The following PTPRD variants were observed in gnomAD, a reference collection of about 807,000 sequenced individuals.
PTPRD encodes the protein receptor-type tyrosine-protein phosphatase delta.
PTPRD carries 34 observed loss-of-function variants against 214.5 expected under a neutral mutation model. The ratio of observed to expected loss-of-function variants is 0.16; its 90% CI spans 0.12 to 0.21. PTPRD has a LOEUF of 0.21. PTPRD is among the 10% of genes least tolerant of loss of function. The pLI is 1.00. For synonymous variants in PTPRD, 1,128 were observed against 845.7 expected (o/e 1.33, Z -5.79); for missense variants, 2,545 against 2,398.7 (o/e 1.06, Z -1.27).
chr9:10,589,812 T>A (rs1403630154), intron 2 of PTPRD, among the ~76,000 whole-genome samples: 4 of 151,976 alleles, frequency 2.6e-5, no homozygotes, highest in Admixed American at 6.6e-5. Flanking sequence ...TGATTTGACT[T>A]TTGATTGAAT....
intron 9 of PTPRD, among the ~76,000 whole-genome samples, chr9:9,234,586 T>A (rs1408083561): frequency 6.6e-6 from 1 of 152,090 alleles, no homozygotes; most frequent in Non-Finnish European, 1.5e-5. Flanking sequence ...CTTTTATGCT[T>A]TGCTTTCTCT....
At chr9:8,512,952 T>G (rs1053037457) in intron 21 of PTPRD, among the ~76,000 whole-genome samples, 2 of 152,028 alleles carry the variant, frequency 1.3e-5, no homozygotes, top group Admixed American at 6.5e-5. Context: ...ATGCTTTTGG[T>G]ACAATTACCT....
At chr9:9,938,306 G>A (rs10816255) in intron 5 of PTPRD, among the ~76,000 whole-genome samples, 38,921 of 152,018 alleles carry the variant, frequency 0.26, 5,754 homozygotes, top group Middle Eastern at 0.47. Flanking sequence ...CTTGAAATTA[G>A]GTGGATTAAA....
chr9:9,654,275 G>C lies in PTPRD; in HGVS notation c.-286-79494C>G, dbSNP rs183177648. ...AAGCTATAAAAATAGTAAAATATGTGATGTATAATTTTAAGAGGGATAGTA... is the reference window on the plus strand; with the variant it reads ...AAGCTATAAAAATAGTAAAATATGTCATGTATAATTTTAAGAGGGATAGTA... On this transcript the variant is annotated intron_variant, in intron 7 of 45. Transcript: ENST00000381196. Among the ~76,000 whole-genome samples, 921 of 152,154 alleles carry C rather than the reference G, an allele frequency of 6.1e-3. 8 individuals carry two copies. Among genetic ancestry groups the C allele is most frequent in the African/African-American group, 0.021 (891 of 41,518 alleles).
chr9:9,141,797 T>C (rs905730361), intron 10 of PTPRD, among the ~76,000 whole-genome samples: 1 of 150,856 alleles, frequency 6.6e-6, no homozygotes, highest in African/African-American at 2.4e-5. Context: ...TATATCTCTA[T>C]ATAATAGTTA....
chr9:9,090,893 C>T, intron 10 of PTPRD: 2 of 1,286,730 alleles, frequency 1.6e-6, no homozygotes, highest in Non-Finnish European at 2.2e-6. Context: ...GTCCGTGCCT[C>T]CAAGATGACA....
At chr9:9,283,265 T>C (rs372287249) in intron 9 of PTPRD, among the ~76,000 whole-genome samples, 1 of 151,470 alleles carries the variant, frequency 6.6e-6, no homozygotes, top group South Asian at 2.1e-4. Flanking sequence ...ACCCTGATAA[T>C]TTAGTTGTAC....
Position 8,341,158 on chromosome 9 carries a change from T to C in PTPRD, c.5058A>G (p.Val1686=). 2 of 1,613,308 alleles carry C rather than the reference T, an allele frequency of 1.2e-6. No homozygotes were observed. The highest frequency in any genetic ancestry group is 1.1e-5 in the South Asian group (1 of 91,028). Residue 1686 remains valine (V), a synonymous_variant, in exon 41 of 46, where the codon GTA becomes GTG. Transcript: ENST00000381196. ...VNIMPYESTR[V]CLQPIRGVEG... ...CTACTCCACGGATAGGCTGCAGGCATACCCTTGTGGATTCATATGGCATAA... is the reference window on the plus strand; with the variant it reads ...CTACTCCACGGATAGGCTGCAGGCACACCCTTGTGGATTCATATGGCATAA...
At chr9:8,461,993 G>A (rs2096421106) in intron 32 of PTPRD, among the ~76,000 whole-genome samples, 1 of 151,662 alleles carries the variant, frequency 6.6e-6, no homozygotes, top group Non-Finnish European at 1.5e-5. Context: ...AGCATCTCTT[G>A]TCCTCTCTTA....
intron 9 of PTPRD, among the ~76,000 whole-genome samples, chr9:9,276,417 C>A (rs75763887): frequency 0.012 from 1,891 of 151,402 alleles, 42 homozygotes; most frequent in African/African-American, 0.044. Flanking sequence ...CAAAGGTCAA[C>A]AGGAACTGTT....
At chr9:9,300,544 G>A (rs1954877416) in intron 9 of PTPRD, among the ~76,000 whole-genome samples, 1 of 151,756 alleles carries the variant, frequency 6.6e-6, no homozygotes, top group Non-Finnish European at 1.5e-5. Context: ...TGTGTTGGTA[G>A]TAGGAGGTTG....
At chr9:8,672,595 G>T (rs761523737) in intron 12 of PTPRD, among the ~76,000 whole-genome samples, 1 of 151,772 alleles carries the variant, frequency 6.6e-6, no homozygotes, top group Non-Finnish European at 1.5e-5. Flanking sequence ...TATTAAAAAG[G>T]GTGTAAAGTT....
chr9:9,413,394 G>A (rs2076113787), intron 8 of PTPRD, among the ~76,000 whole-genome samples: 2 of 152,044 alleles, frequency 1.3e-5, no homozygotes, highest in Middle Eastern at 3.4e-3. Context: ...GATTACAGGC[G>A]TGAGCCACCG....
intron 39 of PTPRD, among the ~76,000 whole-genome samples, chr9:8,345,304 A>T (rs1453651585): frequency 7.9e-5 from 12 of 152,080 alleles, no homozygotes; most frequent in Non-Finnish European, 1.8e-4. Flanking sequence ...CATGCACGCC[A>T]TACCTGGATA....
intron 3 of PTPRD, among the ~76,000 whole-genome samples, chr9:10,066,855 A>G (rs1024818579): frequency 6.6e-6 from 1 of 151,906 alleles, no homozygotes; most frequent in Non-Finnish European, 1.5e-5. Context: ...CAATATTTGT[A>G]CTGTCTCGTG....
chr9:9,687,826 C>G (rs1458297739), intron 7 of PTPRD, among the ~76,000 whole-genome samples: 1 of 151,742 alleles, frequency 6.6e-6, no homozygotes, highest in Non-Finnish European at 1.5e-5. Context: ...TATGCACACA[C>G]AGATACATTA....
intron 11 of PTPRD, among the ~76,000 whole-genome samples, chr9:8,934,711 G>A (rs2098984630): frequency 6.7e-6 from 1 of 150,122 alleles, no homozygotes; most frequent in South Asian, 2.1e-4. Flanking sequence ...GAGATTTTCA[G>A]AATGTATTCA....
At chr9:8,771,666 C>CATCT (rs2095222881) in intron 11 of PTPRD, among the ~76,000 whole-genome samples, 1 of 152,028 alleles carries the variant, frequency 6.6e-6, no homozygotes, top group Non-Finnish European at 1.5e-5. Context: ...GTTCCAAAGT[C>CATCT]ATCTAAAAAG....
chr9:8,540,299 G>A (rs1395729946), intron 14 of PTPRD, among the ~76,000 whole-genome samples: 1 of 151,856 alleles, frequency 6.6e-6, no homozygotes, highest in East Asian at 1.9e-4. Flanking sequence ...CTTTATTTGA[G>A]GCCCTCTTGA....
Sources: allele counts gnomAD v4.1 joint callset (sites outside exome capture counted in the v4.1 genomes callset), GRCh38; gene constraint gnomAD v4.1.1; transcripts MANE v1.5; gene names NCBI Gene and HGNC (gene_info 2026-07-23, HGNC 2026-07-21).